The following TC2N variants were observed in gnomAD, a reference collection of about 807,000 sequenced individuals.
TC2N encodes tandem C2 domains nuclear protein.
A neutral mutation model predicts 61.9 loss-of-function variants in TC2N; 51 were observed. The ratio of observed to expected loss-of-function variants is 0.82; its 90% CI spans 0.66 to 1.04. The LOEUF is 1.04. Ranked by LOEUF, TC2N falls within the 50% of genes least tolerant of loss-of-function variation. TC2N has a pLI of 0.00. For synonymous variants in TC2N, 204 were observed against 192.6 expected (o/e 1.06, Z -0.49); for missense variants, 556 against 566.7 (o/e 0.98, Z 0.19).
intron 1 of TC2N, among the ~76,000 whole-genome samples, chr14:91,844,501 C>T (rs1457838865): frequency 1.3e-5 from 2 of 152,080 alleles, no homozygotes; most frequent in African/African-American, 4.8e-5. Context: ...TGGTGGCTCA[C>T]GCCTGTCATC....
intron 1 of TC2N, among the ~76,000 whole-genome samples, chr14:91,835,576 ATCGG>A (rs1174487231): frequency 6.6e-6 from 1 of 152,228 alleles, no homozygotes; most frequent in African/African-American, 2.4e-5. Flanking sequence ...CCAGATGTCT[ATCGG>A]TGTGCACTAT....
chr14:91,826,460 C>G (rs982960007), intron 1 of TC2N, among the ~76,000 whole-genome samples: 2 of 151,476 alleles, frequency 1.3e-5, no homozygotes, highest in Non-Finnish European at 2.9e-5. Context: ...CCTTTTAGTT[C>G]TATCAGATTT....
chr14:91,861,104 A>C (rs1212081523), intron 1 of TC2N, among the ~76,000 whole-genome samples: 4 of 152,300 alleles, frequency 2.6e-5, no homozygotes, highest in South Asian at 2.1e-4. Flanking sequence ...TTTGAAGTCC[A>C]TGTTTGGGAA....
chr14:91,800,246 T>G, intron 5 of TC2N, 35 bp downstream of exon 5: 1 of 1,306,824 alleles, frequency 7.7e-7, no homozygotes, highest in Non-Finnish European at 1.1e-6. Context: ...GAAAGGAAAT[T>G]ATCACATATA....
At position 91,815,161 on chromosome 14, in the gene TC2N, C is replaced by T. The variant is rs146596600; in HGVS notation, c.-56-1336G>A. Among the ~76,000 whole-genome samples the T allele has an allele frequency of 2.4e-4, 37 of 151,578 alleles. No individual in the cohort carries two copies. In the East Asian group the frequency reaches 3.1e-3, roughly 13 times the overall value. On this transcript the variant is annotated intron_variant, in intron 1 of 11. Transcript: ENST00000435962. ...ATTCATTATTATACTCTAATAAATACACATATAGTATAACTAAAACAATTT... is the reference window on the plus strand; with the variant it reads ...ATTCATTATTATACTCTAATAAATATACATATAGTATAACTAAAACAATTT...
intron 1 of TC2N, among the ~76,000 whole-genome samples, chr14:91,845,587 A>G (rs1888254842): frequency 6.6e-6 from 1 of 152,206 alleles, no homozygotes; most frequent in Non-Finnish European, 1.5e-5. Context: ...AACCTCTCCA[A>G]TTAGCTCAAG....
In TC2N at chr14:91,837,473, G is replaced by GCCTCCCAAAGTGCTCCA. The variant is rs1352396598; in HGVS notation, c.-56-23665_-56-23649dup. The stretch of plus-strand genomic sequence containing the variant: ...GGACTCACGTGATCCTCCCACCTCT[G>GCCTCCCAAAGTGCTCCA]CCTCCCAAAGTGCTCCACCTCCCAA... On this transcript the variant is annotated intron_variant, in intron 1 of 11. Transcript: ENST00000435962. The surrounding 1 kb of genome is among the most constrained non-coding windows in gnomAD (Gnocchi z 4.2). Among the ~76,000 whole-genome samples the GCCTCCCAAAGTGCTCCA allele has an allele frequency of 1.3e-5, 2 of 152,196 alleles. No homozygotes were observed. The highest frequency in any genetic ancestry group is 1.5e-5 in the Non-Finnish European group (1 of 68,028).
At chr14:91,857,608 G>A (rs560370246) in intron 1 of TC2N, among the ~76,000 whole-genome samples, 1 of 152,294 alleles carries the variant, frequency 6.6e-6, no homozygotes, top group Admixed American at 6.5e-5. Flanking sequence ...AGAAAAGTGA[G>A]GCTCAAAGAA....
At chr14:91,844,803 T>C (rs1367680857) in intron 1 of TC2N, among the ~76,000 whole-genome samples, 4 of 148,172 alleles carry the variant, frequency 2.7e-5, no homozygotes, top group Admixed American at 2.0e-4. Flanking sequence ...CTTATGTTAC[T>C]GGCAGGGACC....
intron 1 of TC2N, among the ~76,000 whole-genome samples, chr14:91,836,913 T>C (rs1888047802): frequency 6.6e-6 from 1 of 152,208 alleles, no homozygotes; most frequent in Admixed American, 6.5e-5. Context: ...ACACTTTACT[T>C]AGAAGCGGAG....
chr14:91,860,653 C>G (rs960421164), intron 1 of TC2N, among the ~76,000 whole-genome samples: 1 of 152,218 alleles, frequency 6.6e-6, no homozygotes, highest in African/African-American at 2.4e-5. Context: ...CTTGTATCCT[C>G]TGTTCCAACC....
At chr14:91,804,333 C>G (rs1166331401) in intron 3 of TC2N, among the ~76,000 whole-genome samples, 1 of 152,144 alleles carries the variant, frequency 6.6e-6, no homozygotes, top group Non-Finnish European at 1.5e-5. Context: ...ACAAGCCATT[C>G]TGAACATATA....
intron 1 of TC2N, among the ~76,000 whole-genome samples, chr14:91,863,888 G>A (rs1888643564): frequency 6.7e-6 from 1 of 149,780 alleles, no homozygotes; most frequent in Non-Finnish European, 1.5e-5. Context: ...CCAGCTCCTC[G>A]AAAGGCTGAG....
chr14:91,790,371 T>C (rs1294152229), intron 9 of TC2N, among the ~76,000 whole-genome samples: 1 of 152,100 alleles, frequency 6.6e-6, no homozygotes, highest in Non-Finnish European at 1.5e-5. Flanking sequence ...TATTAGAATA[T>C]TTATTTTCCT....
At chr14:91,787,337 T>C (rs749918667) in intron 10 of TC2N, among the ~76,000 whole-genome samples, 176 bp downstream of exon 10, 25 of 152,190 alleles carry the variant, frequency 1.6e-4, no homozygotes, top group Non-Finnish European at 3.2e-4. Context: ...GAGACCACTG[T>C]ATTAAGGTAG....
intron 3 of TC2N, among the ~76,000 whole-genome samples, chr14:91,806,332 CTGAG>C (rs777526669): frequency 1.1e-4 from 17 of 152,150 alleles, no homozygotes; most frequent in Non-Finnish European, 1.5e-4. Flanking sequence ...AACTTTGGAA[CTGAG>C]TAACAGGCAG....
intron 8 of TC2N, among the ~76,000 whole-genome samples, chr14:91,794,646 A>C (rs373938513): frequency 1.3e-5 from 2 of 152,020 alleles, no homozygotes; most frequent in African/African-American, 4.8e-5. Flanking sequence ...TACTATTGAG[A>C]TCTACTGCTC....
intron 5 of TC2N, 149 bp from the exon 6 acceptor site, chr14:91,799,213 G>GAAAAAA (rs35831554): frequency 2.7e-6 from 1 of 364,868 alleles, no homozygotes; most frequent in Non-Finnish European, 4.7e-6. Context: ...ACAGGTAGTG[G>GAAAAAA]AAAAAAAAAA....
At chr14:91,827,344 G>A (rs188415447) in intron 1 of TC2N, among the ~76,000 whole-genome samples, 3 of 152,290 alleles carry the variant, frequency 2.0e-5, no homozygotes, top group African/African-American at 7.2e-5. Context: ...AAATCAAGGT[G>A]TTGGCAGGGC....
Sources: gnomAD v4.1 joint callset for allele counts (sites outside exome capture counted in the v4.1 genomes callset) on GRCh38, gnomAD v4.1.1 for gene constraint, Gnocchi (gnomAD v3.1) non-coding constraint, MANE v1.5 for transcripts, NCBI Gene and HGNC (gene_info 2026-07-23, HGNC 2026-07-21) for gene names.